The following LILRB2 variants were observed in gnomAD, a reference collection of about 807,000 sequenced individuals.
The protein encoded by LILRB2 is leukocyte immunoglobulin-like receptor subfamily B member 2.
A neutral mutation model predicts 72.7 loss-of-function variants in LILRB2; 47 were observed. That is an observed-to-expected ratio of 0.65 (90% CI 0.51 to 0.82). The LOEUF is 0.82. LILRB2 is among the 40% of genes least tolerant of loss of function. LILRB2 has a pLI of 0.00. For synonymous variants in LILRB2, 279 were observed against 313.7 expected (o/e 0.89, Z 1.17); for missense variants, 767 against 764.8 (o/e 1.00, Z -0.03).
At chr19:54,275,583 C>A in intron 13 of LILRB2, 2 of 526,174 alleles carry the variant, frequency 3.8e-6, no homozygotes, top group Non-Finnish European at 7.6e-6. Flanking sequence ...GCTGTGTCTG[C>A]AGCTCCCATG....
Position 54,275,957 on chromosome 19 carries a change from G to A in LILRB2, c.1641C>T (p.Asp547=), listed in dbSNP as rs146402107. ...GACAGGGGCGGGGTCTCACCCGAGT[G>A]TCCATCTCCACCCCATCTTCAGGCT... ...DTQPEDGVEM[D]TRAAASEAPQ... Residue 547 remains aspartate (D), a synonymous_variant, in exon 13 of 14, where the codon GAC becomes GAT. Coordinates refer to ENST00000314446, the MANE Select transcript of LILRB2 (RefSeq NM_001080978.4). 3.1e-6 allele frequency: 5 copies of A among 1,614,114 alleles called. No homozygotes were observed. Among genetic ancestry groups the A allele is most frequent in the African/African-American group, 1.3e-5 (1 of 75,056 alleles).
intron 10 of LILRB2, 165 bp downstream of exon 10, chr19:54,276,642 T>G: frequency 6.9e-7 from 1 of 1,440,416 alleles, no homozygotes; most frequent in Non-Finnish European, 9.4e-7. Context: ...GGAGGACACT[T>G]TATATTTGTA....
rs143169595 is a variant in LILRB2, at chr19:54,274,730, C to T, written c.1747G>A (p.Glu583Lys). 5.7e-4 allele frequency: 923 copies of T among 1,611,412 alleles called. No individual in the cohort carries two copies. The African/African-American group carries it at 5.9e-3, about 10-fold the overall frequency. Residue 583 changes from glutamate to lysine, a missense_variant, in exon 14 of 14, where the codon GAA becomes AAA. Glu to Lys is a moderately conservative substitution (Grantham distance 56). Transcript: ENST00000314446. ...ATEPPPSQER[E>K]PPAEPSIYAT... ...TAGATGCTGGGCTCAGCTGGAGGTT[C>T]CCTTTCCTGGGATGGAGGAGGCTCA...
At chr19:54,275,865 C>A (rs1425764512) in intron 13 of LILRB2, 86 bp downstream of exon 13, 6 of 1,530,254 alleles carry the variant, frequency 3.9e-6, no homozygotes, top group Admixed American at 1.7e-5. Flanking sequence ...ATGCTGAGAG[C>A]CGGGGGAAGG....
rs374263221 is a variant in LILRB2, at chr19:54,276,809, G to A, written c.1478C>T (p.Ser493Leu). 13 of 1,612,948 alleles carry A rather than the reference G, an allele frequency of 8.1e-6. 1 individual carries two copies. Among genetic ancestry groups the A allele is most frequent in the South Asian group, 4.4e-5 (4 of 90,860 alleles). ...RHRRQGKHWT[S>L]TQRKADFQHP... Reference sequence around the variant, plus strand: ...AGGGTTTCCCCTTCCCTACTCACTCGATGTCCAGTGTTTGCCCTGACGTCG... The same window carrying A: ...AGGGTTTCCCCTTCCCTACTCACTCAATGTCCAGTGTTTGCCCTGACGTCG... Residue 493 changes from serine to leucine, a missense_variant and splice_region_variant, in exon 10 of 14, where the codon TCG (serine) becomes TTG (leucine). Coordinates refer to ENST00000314446, the MANE Select transcript of LILRB2 (RefSeq NM_001080978.4).
At position 54,280,507 on chromosome 19, in the gene LILRB2, C is replaced by G. The variant is rs1198821031; in HGVS notation, c.-11G>C. On this transcript the variant is annotated 5_prime_UTR_variant, in exon 2 of 14. Transcript: ENST00000314446. Reference sequence around the variant, plus strand: ...GACGATGGGGGTCATGGCGTCTCCTCCCACTGCCCTGCTCTGCGGATGGAT... The same window carrying G: ...GACGATGGGGGTCATGGCGTCTCCTGCCACTGCCCTGCTCTGCGGATGGAT... The G allele has an allele frequency of 6.2e-7, 1 of 1,613,948 alleles. No individual in the cohort carries two copies. The highest frequency in any genetic ancestry group is 8.5e-7 in the Non-Finnish European group (1 of 1,179,960).
chr19:54,277,841 C>T (rs2080316199), intron 8 of LILRB2, 48 bp downstream of exon 8: 1 of 1,470,338 alleles, frequency 6.8e-7, no homozygotes, highest in Non-Finnish European at 9.3e-7. Flanking sequence ...TCAAAGCTGC[C>T]CTGGGGGTCG....
In LILRB2 at chr19:54,276,372, C is replaced by T. The variant is rs2080227722; in HGVS notation, c.1556+9G>A. 6.2e-7 allele frequency: 1 copy of T among 1,607,600 alleles called. No individual in the cohort carries two copies. The highest frequency in any genetic ancestry group is 8.5e-7 in the Non-Finnish European group (1 of 1,174,792). ...CAGGTGGGAGTCTGGGGTCTTCGGG[C>T]AGAATTACCTCCACTGCAGGCCTCT... On this transcript the variant is annotated intron_variant, in intron 11 of 13. Transcript: ENST00000314446.
chr19:54,276,603 A>G lies in LILRB2; in HGVS notation c.1481-147T>C, dbSNP rs75008289. On this transcript the variant is annotated intron_variant, in intron 10 of 13. Transcript: ENST00000314446. ...ATGAGATGGACAGAGTCCGAAGGACACTTTACATTTGTAGATGGGACTGAG... is the reference window on the plus strand; with the variant it reads ...ATGAGATGGACAGAGTCCGAAGGACGCTTTACATTTGTAGATGGGACTGAG... 2.5e-3 allele frequency: 3,575 copies of G among 1,434,766 alleles called. 113 individuals carry two copies. The East Asian group carries it at 0.064, about 26-fold the overall frequency. 88.9% of individuals were successfully genotyped at this position (1,434,766 alleles called of 1,614,324 possible). A position where few individuals can be genotyped will look rare whatever the true frequency, so the allele number is the denominator to read the frequency against.
In LILRB2 at chr19:54,275,965, C is replaced by G. The variant is rs2080199513; in HGVS notation, c.1633G>C (p.Glu545Gln). Residue 545 changes from glutamate to glutamine, a missense_variant, in exon 13 of 14, where the codon GAG becomes CAG. By Grantham distance (29) the Glu-to-Gln change is conservative (BLOSUM62 2). Coordinates refer to ENST00000314446, the MANE Select transcript of LILRB2 (RefSeq NM_001080978.4). The part of the protein sequence containing the change: ...VKDTQPEDGV[E>Q]MDTRAAASEA... ...CGGGGTCTCACCCGAGTGTCCATCT[C>G]CACCCCATCTTCAGGCTGTGTGTCC... The G allele has an allele frequency of 6.2e-7, 1 of 1,614,158 alleles. No homozygotes were observed.
Position 54,277,897 on chromosome 19 carries a change from G to T in LILRB2, c.1301C>A (p.Ser434Tyr). 1 of 1,548,084 alleles carries T rather than the reference G, an allele frequency of 6.5e-7. No homozygotes were observed. Among genetic ancestry groups the T allele is most frequent in the Non-Finnish European group, 8.7e-7 (1 of 1,144,914 alleles). The change falls in exon 8 of 14, where the codon TCC becomes TAC. Residue 434 changes from serine (S) to tyrosine (Y), a missense_variant. Around this residue, in one of 3 missense-constraint regions of LILRB2, gnomAD observed 599 missense variants for 568.2 expected, o/e 1.05. Coordinates refer to ENST00000314446, the MANE Select transcript of LILRB2 (RefSeq NM_001080978.4). ...GSSPPPTGPI[S>Y]TPGPEDQPLT... ...AGGCCTCAGGGACTCACCAGGTGTG[G>T]AGATGGGACCGGTGGGTGGGGGGCT...
chr19:54,275,950 C>A lies in LILRB2; in HGVS notation c.1647+1G>T. On this transcript the variant is annotated splice_donor_variant, in intron 13 of 13. Coordinates refer to ENST00000314446, the MANE Select transcript of LILRB2 (RefSeq NM_001080978.4). LOFTEE classifies it high-confidence loss of function. ...TGCCTGGGACAGGGGCGGGGTCTCACCCGAGTGTCCATCTCCACCCCATCT... is the reference window on the plus strand; with the variant it reads ...TGCCTGGGACAGGGGCGGGGTCTCAACCGAGTGTCCATCTCCACCCCATCT... 3 of 1,614,096 alleles carry A rather than the reference C, an allele frequency of 1.9e-6. No individual in the cohort carries two copies. The highest frequency in any genetic ancestry group is 2.5e-6 in the Non-Finnish European group (3 of 1,179,956).
In LILRB2 at chr19:54,279,610, G is replaced by T. The variant is rs754938207; in HGVS notation, c.393C>A (p.Ser131Arg). ...YPKPTLSAQP[S>R]PVVTSGGRVT... is the part of the protein sequence containing the mutation. ...CCCTTCCTCCTGAGGTCACCACAGG[G>T]CTGGGCTGGGCTGAGAGGGTGGGTT... Residue 131 changes from serine (S) to arginine (R), a missense_variant, in exon 5 of 14, where the codon AGC (serine) becomes AGA (arginine). Physicochemically the swap from Ser to Arg is moderately radical, Grantham distance 110. Around this residue, in one of 3 missense-constraint regions of LILRB2, gnomAD observed 599 missense variants for 568.2 expected, o/e 1.05. Transcript: ENST00000314446. 10 of 1,613,916 alleles carry T rather than the reference G, an allele frequency of 6.2e-6. No individual in the cohort carries two copies. Among genetic ancestry groups the T allele is most frequent in the Middle Eastern group, 3.3e-4 (2 of 6,084 alleles).
In LILRB2 at chr19:54,275,803, G is replaced by A. The variant is rs556877765; in HGVS notation, c.1647+148C>T. The A allele has an allele frequency of 4.0e-5, 43 of 1,078,860 alleles. No homozygotes were observed. The South Asian group carries it at 5.1e-4, about 13-fold the overall frequency. 66.8% of individuals were successfully genotyped at this position (1,078,860 alleles called of 1,614,324 possible). On this transcript the variant is annotated intron_variant, in intron 13 of 13. Transcript: ENST00000314446. The stretch of plus-strand genomic sequence containing the variant: ...TCCCAGGACAGCAGGAGAGAGTGAG[G>A]TCACAGCAGGCGGGAGGCAGCGTGC...
intron 13 of LILRB2, chr19:54,275,030 A>G: frequency 6.2e-7 from 1 of 1,607,530 alleles, no homozygotes; most frequent in African/African-American, 1.3e-5. Flanking sequence ...ACCGGGGCAT[A>G]TGTCACTGCC....
chr19:54,278,211 G>T lies in LILRB2; in HGVS notation c.1258+49C>A, dbSNP rs537315283. 5 of 1,607,426 alleles carry T rather than the reference G, an allele frequency of 3.1e-6. No individual in the cohort carries two copies. The East Asian group carries it at 1.1e-4, about 36-fold the overall frequency. ...GCCCAGAGCTCTCCTGGGGGGCAGG[G>T]CCTGAGCTGAGCCTTTGAGCTCAGA... On this transcript the variant is annotated intron_variant, in intron 7 of 13. Transcript: ENST00000314446.
intron 10 of LILRB2, 144 bp downstream of exon 10, chr19:54,276,663 A>T: frequency 6.8e-7 from 1 of 1,478,130 alleles, no homozygotes; most frequent in Non-Finnish European, 9.1e-7. Flanking sequence ...GATGGGACTG[A>T]CGTTAAGTGC....
At chr19:54,277,449 C>G in intron 9 of LILRB2, 101 bp downstream of exon 9, 1 of 1,504,932 alleles carries the variant, frequency 6.6e-7, no homozygotes. Flanking sequence ...GGGGAGGAGC[C>G]TGTCTACATC....
Position 54,278,370 on chromosome 19 carries a change from A to C in LILRB2, c.1148T>G (p.Met383Arg), listed in dbSNP as rs1028997873. The change falls in exon 7 of 14, where the codon ATG becomes AGG. Residue 383 changes from methionine (M) to arginine (R), a missense_variant. This residue lies in a region of LILRB2 where 599 missense variants were observed against 568.2 expected (regional missense o/e 1.05). Transcript: ENST00000314446. ...EYPKYQAEFP[M>R]SPVTSAHAGT... ...CGCGTGGGCTGAGGTCACAGGACTC[A>C]TGGGGAATTCAGCCTGGTACTTAGG... 6.2e-7 allele frequency: 1 copy of C among 1,614,200 alleles called. No homozygotes were observed. The highest frequency in any genetic ancestry group is 1.3e-5 in the African/African-American group (1 of 75,056).
Sources: gnomAD v4.1 joint callset for allele counts on GRCh38, gnomAD v4.1.1 for gene constraint, gnomAD v4.1.1 regional missense constraint, MANE v1.5 for transcripts, NCBI Gene and HGNC (gene_info 2026-07-23, HGNC 2026-07-21) for gene names.